The following RNF125 variants were observed in gnomAD, a reference collection of about 807,000 sequenced individuals.
The protein encoded by RNF125 is ring finger protein 125.
A neutral mutation model predicts 26.0 loss-of-function variants in RNF125; 21 were observed. That is an observed-to-expected ratio of 0.81 (90% confidence interval 0.57 to 1.16). The LOEUF is 1.16. Ranked by LOEUF, RNF125 falls within the 50% of genes most tolerant of loss-of-function variation. The pLI is 0.00. For synonymous variants in RNF125, 95 were observed against 109.2 expected (o/e 0.87, Z 0.81); for missense variants, 270 against 299.4 (o/e 0.90, Z 0.72).
intron 4 of RNF125, among the ~76,000 whole-genome samples, chr18:32,058,696 T>A (rs1281657613): frequency 6.6e-6 from 1 of 152,184 alleles, no homozygotes; most frequent in Non-Finnish European, 1.5e-5. Context: ...TGCCCTGTTG[T>A]GCTATGAAAT....
intron 3 of RNF125, among the ~76,000 whole-genome samples, chr18:32,043,135 C>T (rs1026836082): frequency 6.8e-6 from 1 of 146,246 alleles, no homozygotes; most frequent in African/African-American, 2.5e-5. Flanking sequence ...GGTGACAGAG[C>T]GAGACTCTGT....
chr18:32,055,063 G>T lies in RNF125; in HGVS notation c.504+9331G>T, dbSNP rs544146763. Among the ~76,000 whole-genome samples the T allele has an allele frequency of 4.2e-3, 636 of 151,782 alleles. 7 individuals carry two copies. Among genetic ancestry groups the T allele is most frequent in the African/African-American group, 0.015 (616 of 41,392 alleles). On this transcript the variant is annotated intron_variant, in intron 4 of 5. Transcript: ENST00000217740. ...TGTAATCCCAGCACTTTGGGAGGCC[G>T]AGCTGGGGGAATTGTTTGACCCCAT...
chr18:32,042,753 T>C (rs781312190), intron 3 of RNF125, among the ~76,000 whole-genome samples: 1 of 150,310 alleles, frequency 6.7e-6, no homozygotes, highest in Non-Finnish European at 1.5e-5. Flanking sequence ...CTGAATCCTT[T>C]GCCTTTTTGA....
intron 4 of RNF125, among the ~76,000 whole-genome samples, chr18:32,058,498 A>C (rs1181816423): frequency 1.3e-5 from 2 of 151,854 alleles, no homozygotes; most frequent in Non-Finnish European, 2.9e-5. Flanking sequence ...GGCTCATGTG[A>C]CCACACCCAG....
the RNF125 span, among the ~76,000 whole-genome samples, chr18:32,083,160 T>C: frequency 6.6e-6 from 1 of 152,218 alleles, no homozygotes; most frequent in South Asian, 2.1e-4. Flanking sequence ...ATTGTAGTTG[T>C]ATTTGCTCTC....
intron 4 of RNF125, among the ~76,000 whole-genome samples, chr18:32,053,620 T>C (rs1400951781): frequency 1.3e-5 from 2 of 148,178 alleles, no homozygotes; most frequent in Middle Eastern, 3.2e-3. Flanking sequence ...ATCCCATCTC[T>C]AGAAAAAATT....
At chr18:32,027,348 A>G (rs1369501984) in intron 1 of RNF125, among the ~76,000 whole-genome samples, 1 of 151,904 alleles carries the variant, frequency 6.6e-6, no homozygotes, top group Non-Finnish European at 1.5e-5. Context: ...TTGCCGAGGG[A>G]GTTTCTAAAC....
At chr18:32,027,736 G>C (rs2039050936) in intron 1 of RNF125, among the ~76,000 whole-genome samples, 1 of 152,040 alleles carries the variant, frequency 6.6e-6, no homozygotes, top group Admixed American at 6.6e-5. Flanking sequence ...CTAAAGATTC[G>C]ATACTTTGAG....
At chr18:32,061,697 C>T (rs2039436495) in intron 4 of RNF125, among the ~76,000 whole-genome samples, 1 of 152,196 alleles carries the variant, frequency 6.6e-6, no homozygotes, top group Non-Finnish European at 1.5e-5. Flanking sequence ...TCTGCTGGAG[C>T]CTTTCCGAAC....
the RNF125 span, among the ~76,000 whole-genome samples, chr18:32,084,531 T>C: frequency 6.6e-6 from 1 of 152,190 alleles, no homozygotes; most frequent in Non-Finnish European, 1.5e-5. Context: ...TCTGTTTCAT[T>C]GTTGGTTTGC....
chr18:32,018,861 G>C lies in RNF125; in HGVS notation c.-3G>C, dbSNP rs772571064. ...CGCAGCTGTCTGGGCGAGAGGCACA[G>C]CGATGGGCTCCGTGCTGAGCACCGA... On this transcript the variant is annotated 5_prime_UTR_variant, in exon 1 of 6. Transcript: ENST00000217740. 1 of 1,569,680 alleles carries C rather than the reference G, an allele frequency of 6.4e-7. No homozygotes were observed.
chr18:32,021,240 C>T (rs762755503), intron 1 of RNF125, among the ~76,000 whole-genome samples: 13 of 152,248 alleles, frequency 8.5e-5, no homozygotes, highest in East Asian at 3.9e-4. Flanking sequence ...CCACCACGCC[C>T]GGCTAATTTT....
chr18:32,055,979 CAAAAAAA>C (rs67968645), intron 4 of RNF125, among the ~76,000 whole-genome samples: 2 of 78,864 alleles, frequency 2.5e-5, no homozygotes, highest in African/African-American at 5.3e-5. Flanking sequence ...AACTCCATCT[CAAAAAAA>C]AAAAAAAAAA....
rs958879868 is a variant in RNF125 at position 32,042,109 on chromosome 18, G to C, written c.319-70G>C. 19 of 1,082,204 alleles carry C rather than the reference G, an allele frequency of 1.8e-5. No individual in the cohort carries two copies. In the African/African-American group the frequency reaches 2.8e-4, roughly 16 times the overall value. The allele number at this position is 1,082,204 out of a possible 1,614,324, so 67.0% of individuals were successfully genotyped here. On this transcript the variant is annotated intron_variant, in intron 2 of 5. Coordinates refer to ENST00000217740, the MANE Select transcript of RNF125 (RefSeq NM_017831.4). The stretch of plus-strand genomic sequence containing the variant: ...TATGACCTTACTTGAAAGTTAAAAG[G>C]CTGGATCGCATAAGCTTTCATTGAG...
chr18:32,071,641 A>G lies in RNF125; in HGVS notation c.*3257A>G, dbSNP rs2039535240. The G allele has an allele frequency of 1.3e-5, 2 of 152,230 alleles. No homozygotes were observed. Among genetic ancestry groups the G allele is most frequent in the African/African-American group, 2.4e-5 (1 of 41,458 alleles). The allele number at this position is 152,230 out of a possible 1,614,324, so 9.4% of individuals were successfully genotyped here. On this transcript the variant is annotated 3_prime_UTR_variant, in exon 6 of 6. Coordinates refer to ENST00000217740, the MANE Select transcript of RNF125 (RefSeq NM_017831.4). ...ATTTATAAACTTCTTTGTTCCTTAC[A>G]TATAAGCATAGTCATAACCATGGTA...
chr18:32,046,709 CAT>C (rs1242681490), intron 4 of RNF125, among the ~76,000 whole-genome samples: 1 of 151,710 alleles, frequency 6.6e-6, no homozygotes, highest in Non-Finnish European at 1.5e-5. Context: ...AATATTTATC[CAT>C]ATGTTTGTAT....
rs142268163 is a variant in RNF125 at position 32,066,588 on chromosome 18, G to C, written c.612+579G>C. Among the ~76,000 whole-genome samples the C allele has an allele frequency of 2.6e-5, 4 of 152,284 alleles. No homozygotes were observed. In the South Asian group the frequency reaches 8.3e-4, roughly 32 times the overall value. ...TCCAGGTTGGATACAAGGAGCTCAG[G>C]TTCTAAACTAGTTTTAAGCAATAGC... On this transcript the variant is annotated intron_variant, in intron 5 of 5. Coordinates refer to ENST00000217740, the MANE Select transcript of RNF125 (RefSeq NM_017831.4).
chr18:32,078,378 G>A, the RNF125 span, among the ~76,000 whole-genome samples: 3 of 151,648 alleles, frequency 2.0e-5, no homozygotes, highest in Non-Finnish European at 4.4e-5. Flanking sequence ...GTCTAATAAC[G>A]GTTAAATAGT....
intron 1 of RNF125, among the ~76,000 whole-genome samples, chr18:32,031,904 T>G (rs2039100633): frequency 6.6e-6 from 1 of 152,036 alleles, no homozygotes. Flanking sequence ...GCACTTTCTT[T>G]TTTTTTTGAG....
Sources: gnomAD v4.1 joint callset for allele counts (sites outside exome capture counted in the v4.1 genomes callset) on GRCh38, gnomAD v4.1.1 for gene constraint, MANE v1.5 for transcripts, NCBI Gene and HGNC (gene_info 2026-07-23, HGNC 2026-07-21) for gene names.